The following TAFA5 variants were observed in gnomAD, a reference collection of about 807,000 sequenced individuals.
TAFA5 encodes the protein chemokine-like protein TAFA-5.
In TAFA5, 6 loss-of-function variants were observed where a neutral mutation model predicts 15.3. The observed-to-expected ratio is 0.39, with a 90% CI of 0.21 to 0.77. TAFA5 has a LOEUF of 0.77. Ranked by LOEUF, TAFA5 falls within the 30% of genes least tolerant of loss-of-function variation. The pLI, the probability that TAFA5 is intolerant of heterozygous loss-of-function variation, is 0.41. For synonymous variants in TAFA5, 103 were observed against 80.7 expected (o/e 1.28, Z -1.48); for missense variants, 161 against 193.1 (o/e 0.83, Z 0.98).
At chr22:48,640,558 G>T (rs372371393) in intron 1 of TAFA5, among the ~76,000 whole-genome samples, 2 of 152,174 alleles carry the variant, frequency 1.3e-5, no homozygotes, top group African/African-American at 4.8e-5. Flanking sequence ...GCAGGGCAGG[G>T]CTGGGCTGGG....
At chr22:48,531,904 G>C (rs985329157) in intron 1 of TAFA5, among the ~76,000 whole-genome samples, 2 of 152,220 alleles carry the variant, frequency 1.3e-5, no homozygotes, top group African/African-American at 4.8e-5. Context: ...ACGTCCCACA[G>C]CCAGGAACAG....
chr22:48,523,404 G>C (rs1172195953), intron 1 of TAFA5, among the ~76,000 whole-genome samples: 1 of 152,276 alleles, frequency 6.6e-6, no homozygotes, highest in East Asian at 1.9e-4. Flanking sequence ...CCGGCTCGCG[G>C]CATTCCGCTG....
intron 2 of TAFA5, among the ~76,000 whole-genome samples, chr22:48,670,640 G>T (rs1393569482): frequency 6.6e-6 from 1 of 152,258 alleles, no homozygotes; most frequent in Non-Finnish European, 1.5e-5. Flanking sequence ...CAAGGTCAAA[G>T]CTCCTTGCAG....
chr22:48,537,700 C>T (rs1601563184), intron 1 of TAFA5, among the ~76,000 whole-genome samples: 1 of 152,360 alleles, frequency 6.6e-6, no homozygotes, highest in South Asian at 2.1e-4. Flanking sequence ...CTGCAGCTCT[C>T]CCTGGGGCCC....
intron 3 of TAFA5, among the ~76,000 whole-genome samples, chr22:48,728,572 G>A (rs1375781026): frequency 1.3e-5 from 2 of 152,190 alleles, no homozygotes; most frequent in Non-Finnish European, 2.9e-5. Flanking sequence ...TATTATATAT[G>A]CATTTGAGTT....
At chr22:48,688,992 GAAAAAAAA>G (rs78797172) in intron 2 of TAFA5, among the ~76,000 whole-genome samples, 1 of 82,560 alleles carries the variant, frequency 1.2e-5, no homozygotes, top group Non-Finnish European at 2.5e-5. Context: ...ACTTGTCTCG[GAAAAAAAA>G]AAAAAAAAAA....
At chr22:48,527,629 T>G (rs1921824673) in intron 1 of TAFA5, among the ~76,000 whole-genome samples, 1 of 152,016 alleles carries the variant, frequency 6.6e-6, no homozygotes, top group South Asian at 2.1e-4. Context: ...GGAAGGGAGG[T>G]GAGGTCCCAC....
chr22:48,710,704 C>T (rs1039882061), intron 3 of TAFA5, among the ~76,000 whole-genome samples: 2 of 152,238 alleles, frequency 1.3e-5, no homozygotes, highest in Non-Finnish European at 1.5e-5. Flanking sequence ...GAGGCAGAGG[C>T]TGACCAGGCA....
intron 2 of TAFA5, among the ~76,000 whole-genome samples, chr22:48,655,378 G>C (rs1156304344): frequency 6.6e-6 from 1 of 152,194 alleles, no homozygotes; most frequent in Non-Finnish European, 1.5e-5. Flanking sequence ...AATTTGTAAA[G>C]AAAAGAAATT....
chr22:48,691,201 C>T (rs551360868), intron 2 of TAFA5, among the ~76,000 whole-genome samples: 21 of 152,162 alleles, frequency 1.4e-4, no homozygotes, highest in Non-Finnish European at 2.1e-4. Flanking sequence ...CAAGCTGGCT[C>T]GGGTGCGAGG....
chr22:48,616,139 C>T (rs1925595347), intron 1 of TAFA5, among the ~76,000 whole-genome samples: 1 of 152,030 alleles, frequency 6.6e-6, no homozygotes, highest in Admixed American at 6.5e-5. Flanking sequence ...CAACAGAGCT[C>T]ACCAGCCCCG....
intron 1 of TAFA5, among the ~76,000 whole-genome samples, chr22:48,597,955 C>G (rs943234590): frequency 6.6e-6 from 1 of 152,204 alleles, no homozygotes; most frequent in Non-Finnish European, 1.5e-5. Flanking sequence ...TCCCGGCCCT[C>G]CATGGTGGGG....
At chr22:48,743,147 A>C (rs1421359926) in intron 3 of TAFA5, among the ~76,000 whole-genome samples, 10 of 151,786 alleles carry the variant, frequency 6.6e-5, no homozygotes, top group African/African-American at 2.4e-4. Context: ...CTGTGGTCAC[A>C]GTGTCTGCTG....
intron 1 of TAFA5, among the ~76,000 whole-genome samples, chr22:48,609,590 C>T (rs1925323261): frequency 6.6e-6 from 1 of 152,188 alleles, no homozygotes; most frequent in African/African-American, 2.4e-5. Flanking sequence ...ACGGGGCCGC[C>T]CCCGTTTCTC....
At chr22:48,581,356 C>T (rs1924031932) in intron 1 of TAFA5, among the ~76,000 whole-genome samples, 1 of 152,256 alleles carries the variant, frequency 6.6e-6, no homozygotes, top group African/African-American at 2.4e-5. Context: ...GTCCCTCCCA[C>T]TGCACACTCG....
At chr22:48,641,527 C>T (rs1160690868) in intron 1 of TAFA5, among the ~76,000 whole-genome samples, 1 of 151,660 alleles carries the variant, frequency 6.6e-6, no homozygotes, top group African/African-American at 2.4e-5. Flanking sequence ...GGCTGCCCCT[C>T]CCCACTGCAC....
At chr22:48,556,762 AC>A (rs35717232) in intron 1 of TAFA5, among the ~76,000 whole-genome samples, 96 of 151,886 alleles carry the variant, frequency 6.3e-4, no homozygotes, top group Non-Finnish European at 1.1e-3. Context: ...TCTCAGGGAC[AC>A]CCCCCTAGGC....
intron 1 of TAFA5, among the ~76,000 whole-genome samples, chr22:48,583,725 C>G (rs1023273749): frequency 1.3e-5 from 2 of 152,060 alleles, no homozygotes; most frequent in East Asian, 1.9e-4. Flanking sequence ...ACACCACACA[C>G]AAAATGTGCC....
chr22:48,503,908 C>T (rs1036287469), intron 1 of TAFA5, among the ~76,000 whole-genome samples: 1 of 152,086 alleles, frequency 6.6e-6, no homozygotes, highest in Non-Finnish European at 1.5e-5. Context: ...ACCACAGGAC[C>T]CCGAGTGTGT....
Sources: gnomAD v4.1 joint callset for allele counts (sites outside exome capture counted in the v4.1 genomes callset) on GRCh38, gnomAD v4.1.1 for gene constraint, MANE v1.5 for transcripts, NCBI Gene and HGNC (gene_info 2026-07-23, HGNC 2026-07-21) for gene names.